The following EYS variants were observed in gnomAD, a reference collection of about 807,000 sequenced individuals.
EYS encodes the protein EGF-like photoreceptor maintenance factor, also known as protein eyes shut homolog.
EYS carries 250 observed loss-of-function variants against 282.1 expected under a neutral mutation model. The ratio of observed to expected loss-of-function variants is 0.89; its 90% confidence interval spans 0.80 to 0.98. EYS has a LOEUF of 0.98. EYS is among the 50% of genes least tolerant of loss of function. The probability of loss-of-function intolerance (pLI) is 0.00; values close to 1 mark genes in which losing one functional copy is unlikely to be tolerated. For synonymous variants in EYS, 1,355 were observed against 1,282.9 expected, an observed-to-expected ratio of 1.06 and a Z score of -1.20; for missense variants, 4,016 against 3,709.0, an observed-to-expected ratio of 1.08 and a Z score of -2.15.
chr6:64,796,944 C>T (rs1160604346), intron 22 of EYS, among the ~76,000 whole-genome samples: 1 of 151,912 alleles, frequency 6.6e-6, no homozygotes, highest in Non-Finnish European at 1.5e-5. Flanking sequence ...TTTTCTCCGG[C>T]GGGTGGTGAA....
intron 14 of EYS, among the ~76,000 whole-genome samples, chr6:64,973,824 A>T (rs1770381091): frequency 6.6e-6 from 1 of 151,952 alleles, no homozygotes; most frequent in South Asian, 2.1e-4. Flanking sequence ...TCTCATTTTT[A>T]AAATGGGCTT....
intron 24 of EYS, among the ~76,000 whole-genome samples, chr6:64,594,341 T>C (rs946811705): frequency 2.0e-5 from 3 of 152,126 alleles, no homozygotes; most frequent in African/African-American, 7.2e-5. Flanking sequence ...GCAATAAACA[T>C]ACGTGTGCAT....
intron 14 of EYS, among the ~76,000 whole-genome samples, chr6:64,995,455 G>A (rs1423449008): frequency 2.6e-5 from 4 of 151,990 alleles, no homozygotes; most frequent in Non-Finnish European, 5.9e-5. Flanking sequence ...TCAAACCTGA[G>A]GGTAGTCTTT....
At chr6:65,410,563 C>T (rs934638432) in intron 5 of EYS, among the ~76,000 whole-genome samples, 1 of 150,634 alleles carries the variant, frequency 6.6e-6, no homozygotes, top group African/African-American at 2.4e-5. Flanking sequence ...CCTCCCCAGT[C>T]TCTAGTAACC....
At chr6:64,708,310 G>T (rs561185598) in intron 22 of EYS, among the ~76,000 whole-genome samples, 1 of 152,288 alleles carries the variant, frequency 6.6e-6, no homozygotes, top group South Asian at 2.1e-4. Context: ...TATATCCAAA[G>T]CAACCTATTC....
At chr6:65,262,518 C>G (rs1442401188) in intron 12 of EYS, among the ~76,000 whole-genome samples, 1 of 151,938 alleles carries the variant, frequency 6.6e-6, no homozygotes, top group Admixed American at 6.6e-5. Context: ...CACTGGGTAA[C>G]TACAAGAGTG....
chr6:63,863,461 C>CTGTA (rs1450058959), intron 36 of EYS, among the ~76,000 whole-genome samples: 1 of 151,762 alleles, frequency 6.6e-6, no homozygotes, highest in East Asian at 1.9e-4. Flanking sequence ...AGCAACTGGG[C>CTGTA]TGTAATGCAT....
intron 36 of EYS, among the ~76,000 whole-genome samples, chr6:63,814,045 A>G (rs1247637036): frequency 2.0e-5 from 3 of 152,204 alleles, no homozygotes; most frequent in Non-Finnish European, 4.4e-5. Flanking sequence ...CTTCTTAGTA[A>G]CACAGCACCA....
chr6:64,969,623 C>A (rs974402615), intron 14 of EYS, among the ~76,000 whole-genome samples: 1 of 151,996 alleles, frequency 6.6e-6, no homozygotes, highest in African/African-American at 2.4e-5. Context: ...TAGAAGAAGC[C>A]ACTTCTTTTG....
intron 5 of EYS, among the ~76,000 whole-genome samples, chr6:65,434,469 C>T (rs1346004618): frequency 4.6e-5 from 7 of 151,926 alleles, no homozygotes; most frequent in Non-Finnish European, 8.8e-5. Flanking sequence ...TACAGGCGCC[C>T]GCCACCACGC....
intron 16 of EYS, among the ~76,000 whole-genome samples, chr6:64,905,067 A>G (rs945468471): frequency 1.1e-4 from 16 of 152,224 alleles, no homozygotes; most frequent in Non-Finnish European, 1.5e-5. Flanking sequence ...ATGACAGACC[A>G]CATTTCTAAT....
At chr6:63,983,019 TTAG>T (rs1767174768) in intron 35 of EYS, among the ~76,000 whole-genome samples, 1 of 151,824 alleles carries the variant, frequency 6.6e-6, no homozygotes, top group African/African-American at 2.4e-5. Context: ...TTTTGCATTA[TTAG>T]ATTTTGAAAA....
intron 1 of EYS, among the ~76,000 whole-genome samples, chr6:65,649,668 C>T (rs34442579): frequency 0.16 from 24,186 of 151,908 alleles, 2,071 homozygotes; most frequent in South Asian, 0.3. Context: ...TTGATGAGTT[C>T]GCTCCTTTCT....
At chr6:65,692,760 A>G (rs1769289037) in intron 1 of EYS, among the ~76,000 whole-genome samples, 1 of 150,138 alleles carries the variant, frequency 6.7e-6, no homozygotes, top group Non-Finnish European at 1.5e-5. Flanking sequence ...ATTCTTTAAA[A>G]TATGTTTTCA....
chr6:65,317,605 G>A (rs1769326994), intron 11 of EYS, among the ~76,000 whole-genome samples: 1 of 152,022 alleles, frequency 6.6e-6, no homozygotes, highest in Admixed American at 6.6e-5. Context: ...GGAAATCTAG[G>A]GGCAGCTTGG....
At chr6:64,941,224 T>C (rs950862818) in intron 15 of EYS, among the ~76,000 whole-genome samples, 6 of 151,794 alleles carry the variant, frequency 4.0e-5, no homozygotes, top group African/African-American at 1.5e-4. Flanking sequence ...CTACTACAAA[T>C]ACAAAAATTA....
intron 39 of EYS, among the ~76,000 whole-genome samples, chr6:63,783,271 G>T (rs970761616): frequency 6.6e-6 from 1 of 152,120 alleles, no homozygotes; most frequent in Non-Finnish European, 1.5e-5. Context: ...AAGTCCAAAG[G>T]GTGGTTAGGG....
At position 65,325,527 on chromosome 6, in the gene EYS, A is replaced by T. The variant is rs576095368; in HGVS notation, c.1766+9453T>A. Among the ~76,000 whole-genome samples, 105 of 152,260 alleles carry T rather than the reference A, an allele frequency of 6.9e-4. 1 individual carries two copies. Among genetic ancestry groups the T allele is most frequent in the Middle Eastern group, 3.4e-3 (1 of 294 alleles). On this transcript the variant is annotated intron_variant, in intron 11 of 42. Transcript: ENST00000503581. ...GAGGATTTGAACTTCTTGGAGGTTC[A>T]GATTTGAACCTGGAGTCTCTTTGAC... is the stretch of plus-strand genomic sequence containing the variant.
intron 2 of EYS, among the ~76,000 whole-genome samples, chr6:65,532,264 G>A (rs1481723582): frequency 6.6e-6 from 1 of 151,940 alleles, no homozygotes; most frequent in Non-Finnish European, 1.5e-5. Context: ...CTACATGTAA[G>A]AAAGTCTATA....
Sources: gnomAD v4.1 joint callset for allele counts (sites outside exome capture counted in the v4.1 genomes callset) on GRCh38, gnomAD v4.1.1 for gene constraint, MANE v1.5 for transcripts, NCBI Gene and HGNC (gene_info 2026-07-23, HGNC 2026-07-21) for gene names.